Variants in NPLOC4 observed in about 807,000 individuals in gnomAD.
NPLOC4 encodes NPL4 homolog, ubiquitin recognition factor.
Under a neutral mutation model 80.6 loss-of-function variants are expected in NPLOC4, and 18 were observed. That is an observed-to-expected ratio of 0.22 (90% CI 0.15 to 0.33). The LOEUF (loss-of-function observed/expected upper bound fraction) is 0.33, where lower values mean the gene tolerates loss of function less well. NPLOC4 is among the 10% of genes least tolerant of loss of function. The pLI, the probability that NPLOC4 is intolerant of heterozygous loss-of-function variation, is 1.00. For synonymous variants in NPLOC4, 313 were observed against 301.5 expected (o/e 1.04, Z -0.39); for missense variants, 540 against 786.1 (o/e 0.69, Z 3.74).
intron 1 of NPLOC4, among the ~76,000 whole-genome samples, chr17:81,633,521 C>T (rs1171085892): frequency 6.6e-6 from 1 of 152,116 alleles, no homozygotes; most frequent in Non-Finnish European, 1.5e-5. Flanking sequence ...ATAATTTGTA[C>T]GATGGAAAGT....
At chr17:81,561,217 A>G (rs1244637470) in intron 16 of NPLOC4, among the ~76,000 whole-genome samples, 1 of 152,104 alleles carries the variant, frequency 6.6e-6, no homozygotes, top group Non-Finnish European at 1.5e-5. Context: ...TCGGCCTCCC[A>G]AAGTGCTGGG....
intron 3 of NPLOC4, among the ~76,000 whole-genome samples, chr17:81,616,758 C>T (rs562825729): frequency 6.6e-6 from 1 of 151,830 alleles, no homozygotes; most frequent in Non-Finnish European, 1.5e-5. Context: ...AACACACTAC[C>T]ACGCAAGTAA....
chr17:81,621,437 G>C (rs2035665149), intron 3 of NPLOC4, among the ~76,000 whole-genome samples: 1 of 152,192 alleles, frequency 6.6e-6, no homozygotes, highest in Non-Finnish European at 1.5e-5. Flanking sequence ...GCCCACCACT[G>C]AGCCAGTGGC....
intron 1 of NPLOC4, among the ~76,000 whole-genome samples, chr17:81,635,148 T>G (rs62074746): frequency 0.11 from 16,046 of 151,774 alleles, 929 homozygotes; most frequent in Middle Eastern, 0.18. Context: ...GAGATCAACC[T>G]GGCCAACACG....
intron 16 of NPLOC4, chr17:81,563,844 A>G (rs2033925063): frequency 4.5e-6 from 2 of 441,834 alleles, no homozygotes; most frequent in African/African-American, 2.0e-5. Flanking sequence ...ATTCTAAGCA[A>G]ACTAATGCAG....
At chr17:81,559,797 A>G (rs1668820998) in intron 16 of NPLOC4, among the ~76,000 whole-genome samples, 1 of 136,988 alleles carries the variant, frequency 7.3e-6, no homozygotes, top group Non-Finnish European at 1.5e-5. Context: ...CAGTGGCACG[A>G]TCTCGGCTCA....
At chr17:81,563,306 G>A (rs8075338) in intron 16 of NPLOC4, 57,965 of 150,972 alleles carry the variant, frequency 0.38, 13,172 homozygotes, top group Non-Finnish European at 0.51. Flanking sequence ...ATCCCTTGAC[G>A]TTGTGATCCA....
rs150971168 is a variant in NPLOC4, at chr17:81,634,573, T to A, written c.15+2343A>T. Among the ~76,000 whole-genome samples, 602 of 149,064 alleles carry A rather than the reference T, an allele frequency of 4.0e-3. 3 individuals are homozygous for A. The highest frequency in any genetic ancestry group is 0.014 in the African/African-American group (556 of 39,768). On this transcript the variant is annotated intron_variant, in intron 1 of 16. Coordinates refer to ENST00000331134, the MANE Select transcript of NPLOC4 (RefSeq NM_017921.4). Reference sequence around the variant, plus strand: ...ATTCCTAACCTATTTCTAGGCAAAGTCACCAATGATTAACACTTTTTTTTT... The same window carrying A: ...ATTCCTAACCTATTTCTAGGCAAAGACACCAATGATTAACACTTTTTTTTT...
intron 14 of NPLOC4, 55 bp downstream of exon 14, chr17:81,568,961 C>A: frequency 9.1e-7 from 1 of 1,098,762 alleles, no homozygotes; most frequent in Admixed American, 1.9e-5. Context: ...AATACTGACA[C>A]TAGATAACAA....
At chr17:81,633,797 C>G (rs919785036) in intron 1 of NPLOC4, among the ~76,000 whole-genome samples, 1 of 152,036 alleles carries the variant, frequency 6.6e-6, no homozygotes, top group South Asian at 2.1e-4. Context: ...CTTTGCCTGC[C>G]GAGTTCAAGC....
intron 16 of NPLOC4, 40 bp downstream of exon 16, chr17:81,565,465 C>A: frequency 6.7e-7 from 1 of 1,498,418 alleles, no homozygotes; most frequent in Non-Finnish European, 9.0e-7. Context: ...CTCTCCGGCC[C>A]CAGCCACGGG....
intron 16 of NPLOC4, chr17:81,564,092 A>G (rs2033933433): frequency 3.0e-6 from 1 of 334,322 alleles, no homozygotes; most frequent in African/African-American, 2.2e-5. Context: ...AAACACACAC[A>G]CACACACACA....
In NPLOC4 at chr17:81,573,130, G is replaced by C. The variant is rs187507723; in HGVS notation, c.1282-1042C>G. On this transcript the variant is annotated intron_variant, in intron 12 of 16. Coordinates refer to ENST00000331134, the MANE Select transcript of NPLOC4 (RefSeq NM_017921.4). ...ACCAAAGCTTTTCATTAAAGATTCT[G>C]CAAGAGGGGATCACATTTTCTATCT... is the stretch of plus-strand genomic sequence containing the variant. Among the ~76,000 whole-genome samples, 30 of 152,300 alleles carry C rather than the reference G, an allele frequency of 2.0e-4. 2 individuals are homozygous for C. The highest frequency in any genetic ancestry group is 1.8e-3 in the Admixed American group (28 of 15,296).
intron 12 of NPLOC4, chr17:81,588,044 A>G (rs1312996981): frequency 6.6e-6 from 1 of 152,252 alleles, no homozygotes; most frequent in Non-Finnish European, 1.5e-5. Flanking sequence ...GCAATTAACA[A>G]CTTAAACTTC....
At chr17:81,602,688 T>TA (rs1313174531) in intron 8 of NPLOC4, among the ~76,000 whole-genome samples, 1 of 144,600 alleles carries the variant, frequency 6.9e-6, no homozygotes, top group East Asian at 2.0e-4. Flanking sequence ...GGTGACAGAG[T>TA]AAAACTCCGT....
chr17:81,569,071 G>T lies in NPLOC4; in HGVS notation c.1394C>A (p.Ser465Tyr), dbSNP rs1167090984. ...TFPKDPVYTF[S>Y]ISQNPFPIEN... is the part of the protein sequence containing the mutation. ...AATAGGAAATGGATTTTGCGAAATA[G>T]AAAAAGTGTAAACTGGATCCTTGGG... Residue 465 changes from serine to tyrosine, a missense_variant, in exon 14 of 17, where the codon TCT (serine) becomes TAT (tyrosine). By Grantham distance (144) the Ser-to-Tyr change is moderately radical. Coordinates refer to ENST00000331134, the MANE Select transcript of NPLOC4 (RefSeq NM_017921.4). 1.3e-5 allele frequency: 21 copies of T among 1,613,082 alleles called. No homozygotes were observed. The highest frequency in any genetic ancestry group is 1.8e-5 in the Non-Finnish European group (21 of 1,179,212).
intron 2 of NPLOC4, among the ~76,000 whole-genome samples, chr17:81,625,006 C>A (rs760150540): frequency 2.0e-5 from 3 of 152,166 alleles, no homozygotes; most frequent in Non-Finnish European, 4.4e-5. Context: ...CAACACCACA[C>A]TGAAGAGGAA....
At chr17:81,618,725 C>G (rs1312800170) in intron 3 of NPLOC4, among the ~76,000 whole-genome samples, 1 of 151,512 alleles carries the variant, frequency 6.6e-6, no homozygotes, top group Admixed American at 6.6e-5. Flanking sequence ...TCATTGAGAA[C>G]GGGCCATGAT....
intron 7 of NPLOC4, among the ~76,000 whole-genome samples, chr17:81,606,397 A>G (rs931876341): frequency 3.3e-4 from 50 of 152,146 alleles, no homozygotes; most frequent in African/African-American, 1.2e-3. Flanking sequence ...CAACCTTCAG[A>G]GCCAGTTTCC....
Sources: gnomAD v4.1 joint callset for allele counts (sites outside exome capture counted in the v4.1 genomes callset) on GRCh38, gnomAD v4.1.1 for gene constraint, MANE v1.5 for transcripts, NCBI Gene and HGNC (gene_info 2026-07-23, HGNC 2026-07-21) for gene names.